Variants in FAM117B observed in about 807,000 individuals in gnomAD.
The protein encoded by FAM117B is family with sequence similarity 117 member B, also known as protein FAM117B.
Under a neutral mutation model 52.8 loss-of-function variants are expected in FAM117B, and 22 were observed. The ratio of observed to expected loss-of-function variants is 0.42; its 90% CI spans 0.30 to 0.59. The LOEUF is 0.59. Ranked by LOEUF, FAM117B falls within the 20% of genes least tolerant of loss-of-function variation. The pLI is 0.22. For synonymous variants in FAM117B, 309 were observed against 324.1 expected (o/e 0.95, Z 0.50); for missense variants, 678 against 802.6 (o/e 0.84, Z 1.88).
rs1689658963 is a variant in FAM117B at position 202,635,265 on chromosome 2, G to A, written c.78G>A (p.Gly26=). The change falls in exon 1 of 8, where the codon GGG becomes GGA. Residue 26 remains glycine, a synonymous_variant. Coordinates refer to ENST00000392238, the MANE Select transcript of FAM117B (RefSeq NM_173511.4). ...GGGGTGGTGCGGTGGCCACGGCCGG[G>A]GGACCCGGGAGCCGCTTGCAGCCCA... The part of the protein sequence containing the change: ...SLGGGAVATA[G]GPGSRLQPMR... The A allele has an allele frequency of 1.4e-6, 2 of 1,387,474 alleles. No homozygotes were observed. Among genetic ancestry groups the A allele is most frequent in the Admixed American group, 5.9e-5 (2 of 33,990 alleles). 85.9% of individuals were successfully genotyped at this position (1,387,474 alleles called of 1,614,324 possible).
At chr2:202,751,758 C>T (rs1340675391) in intron 4 of FAM117B, among the ~76,000 whole-genome samples, 3 of 127,578 alleles carry the variant, frequency 2.4e-5, no homozygotes, top group Non-Finnish European at 3.2e-5. Flanking sequence ...GGAGACAGAC[C>T]GAGACTCCAT....
chr2:202,737,636 C>G (rs999804240), intron 4 of FAM117B, among the ~76,000 whole-genome samples: 2 of 151,768 alleles, frequency 1.3e-5, no homozygotes, highest in African/African-American at 2.4e-5. Context: ...GAGTCTCGCT[C>G]TGTAGTCTAG....
intron 2 of FAM117B, among the ~76,000 whole-genome samples, chr2:202,698,713 G>A (rs141916351): frequency 0.01 from 1,566 of 152,212 alleles, 25 homozygotes; most frequent in African/African-American, 0.035. Flanking sequence ...ATGAGCCACC[G>A]CGCCCAGCCT....
At chr2:202,709,993 A>T (rs1690933996) in intron 2 of FAM117B, among the ~76,000 whole-genome samples, 1 of 152,154 alleles carries the variant, frequency 6.6e-6, no homozygotes, top group South Asian at 2.1e-4. Flanking sequence ...TGTATGTCTT[A>T]TCTTTATGCC....
At chr2:202,679,598 G>A (rs1158923783) in intron 1 of FAM117B, among the ~76,000 whole-genome samples, 2 of 152,212 alleles carry the variant, frequency 1.3e-5, no homozygotes, top group African/African-American at 4.8e-5. Flanking sequence ...TGATCACCCA[G>A]TATGTTCAGT....
At chr2:202,667,772 G>A (rs942660471) in intron 1 of FAM117B, among the ~76,000 whole-genome samples, 3 of 152,116 alleles carry the variant, frequency 2.0e-5, no homozygotes, top group Admixed American at 6.5e-5. Flanking sequence ...TTTTCTGCTA[G>A]GTTTCAGTCT....
intron 2 of FAM117B, among the ~76,000 whole-genome samples, chr2:202,700,284 C>G (rs1690778303): frequency 6.6e-6 from 1 of 151,900 alleles, no homozygotes; most frequent in Admixed American, 6.6e-5. Flanking sequence ...AACAGCTAGC[C>G]AAGTTGTGAA....
intron 1 of FAM117B, among the ~76,000 whole-genome samples, chr2:202,678,904 TGCTGGCCCAGCTCTAAGA>T: frequency 6.6e-6 from 1 of 152,170 alleles, no homozygotes; most frequent in African/African-American, 2.4e-5. Flanking sequence ...TATCAAAATT[TGCTGGCCCAGCTCTAAGA>T]GCTGGGGTTT....
intron 4 of FAM117B, among the ~76,000 whole-genome samples, chr2:202,740,089 C>T (rs773453681): frequency 1.1e-4 from 16 of 142,998 alleles, no homozygotes; most frequent in East Asian, 2.1e-4. Context: ...AGGAGAATGG[C>T]GTGCACCCAG....
At chr2:202,661,936 AAAG>A (rs1174049936) in intron 1 of FAM117B, among the ~76,000 whole-genome samples, 3 of 151,960 alleles carry the variant, frequency 2.0e-5, no homozygotes, top group African/African-American at 4.8e-5. Context: ...AAAAAAAAAA[AAAG>A]ATCAACAATC....
intron 5 of FAM117B, 88 bp downstream of exon 5, chr2:202,755,769 C>T: frequency 7.4e-7 from 1 of 1,355,796 alleles, no homozygotes; most frequent in Non-Finnish European, 9.9e-7. Flanking sequence ...ACTTGGGTTT[C>T]TTCCTTCTCA....
chr2:202,728,308 A>G (rs1691288232), intron 4 of FAM117B, among the ~76,000 whole-genome samples: 1 of 152,154 alleles, frequency 6.6e-6, no homozygotes, highest in Non-Finnish European at 1.5e-5. Context: ...GTTCGATTAT[A>G]ATTTCCAGTA....
chr2:202,648,522 C>CG (rs911555215), intron 1 of FAM117B, among the ~76,000 whole-genome samples: 3 of 127,322 alleles, frequency 2.4e-5, no homozygotes, highest in Admixed American at 8.1e-5. Context: ...GTCCCCACCC[C>CG]CCCCCCAAAA....
chr2:202,699,449 G>GAAAAAAAAAAAAAAAAAAAAAAAA (rs59522030), intron 2 of FAM117B, among the ~76,000 whole-genome samples: 2 of 100,032 alleles, frequency 2.0e-5, no homozygotes, highest in Non-Finnish European at 3.8e-5. Context: ...AAAAAAAAAA[G>GAAAAAAAAAAAAAAAAAAAAAAAA]AAAAAAAAAA....
intron 1 of FAM117B, among the ~76,000 whole-genome samples, chr2:202,668,272 A>C (rs1373961414): frequency 6.8e-6 from 1 of 146,598 alleles, no homozygotes; most frequent in Non-Finnish European, 1.5e-5. Context: ...AAGATATAAA[A>C]ATATTTATAT....
At chr2:202,653,030 C>T (rs1036738408) in intron 1 of FAM117B, among the ~76,000 whole-genome samples, 1 of 152,028 alleles carries the variant, frequency 6.6e-6, no homozygotes, top group East Asian at 1.9e-4. Flanking sequence ...TTTGGGAGGA[C>T]GAGACTGGAA....
chr2:202,677,163 G>A lies in FAM117B; in HGVS notation c.602-18718G>A, dbSNP rs145257316. 8.4e-3 allele frequency among the ~76,000 whole-genome samples: 1,282 copies of A among 152,056 alleles called. 24 individuals are homozygous for A. The highest frequency in any genetic ancestry group is 0.029 in the African/African-American group (1,213 of 41,456). ...GCTCACTACAACCTCCGCCTCCGGG[G>A]TTTAAGTGATTCTCCTGCCTCAGCC... On this transcript the variant is annotated intron_variant, in intron 1 of 7. Coordinates refer to ENST00000392238, the MANE Select transcript of FAM117B (RefSeq NM_173511.4).
chr2:202,757,090 A>G (rs1691810780), intron 5 of FAM117B, 123 bp from the exon 6 acceptor site: 3 of 968,764 alleles, frequency 3.1e-6, no homozygotes, highest in Non-Finnish European at 3.1e-6. Flanking sequence ...AAATCCTAAT[A>G]AGTAGGAAGG....
intron 1 of FAM117B, among the ~76,000 whole-genome samples, chr2:202,644,083 T>TTTTTTTA (rs1689821855): frequency 7.4e-6 from 1 of 134,808 alleles, no homozygotes; most frequent in African/African-American, 2.6e-5. Flanking sequence ...TTTTTTTTTT[T>TTTTTTTA]TCAGTTTTAT....
Sources: gnomAD v4.1 joint callset for allele counts (sites outside exome capture counted in the v4.1 genomes callset) on GRCh38, gnomAD v4.1.1 for gene constraint, MANE v1.5 for transcripts, NCBI Gene and HGNC (gene_info 2026-07-23, HGNC 2026-07-21) for gene names.